Variants in DLGAP1 observed in about 807,000 individuals in gnomAD.
DLGAP1 encodes DLG associated protein 1.
In DLGAP1, 11 loss-of-function variants were observed where a neutral mutation model predicts 90.8. The observed-to-expected ratio is 0.12, with a 90% confidence interval of 0.08 to 0.20. DLGAP1 has a LOEUF of 0.20. DLGAP1 is among the 10% of genes least tolerant of loss of function. DLGAP1 has a pLI of 1.00. For synonymous variants in DLGAP1, 558 were observed against 540.7 expected (o/e 1.03, Z -0.44); for missense variants, 1,050 against 1,333.8 (o/e 0.79, Z 3.31).
rs148219097 is a variant in DLGAP1, at chr18:3,587,410, C to G, written c.1592-5162G>C. ...CTGGGTCGAGTGGGGACTTGGAGAA[C>G]TTTTCTAGCTAAAGGATTGTAAACG... On this transcript the variant is annotated intron_variant, in intron 7 of 12. Transcript: ENST00000315677. 8.4e-3 allele frequency among the ~76,000 whole-genome samples: 1,282 copies of G among 152,266 alleles called. 16 individuals are homozygous for G. Among genetic ancestry groups the G allele is most frequent in the African/African-American group, 0.028 (1,160 of 41,546 alleles).
At chr18:3,967,958 C>A (rs572092383) in intron 3 of DLGAP1, among the ~76,000 whole-genome samples, 1 of 152,188 alleles carries the variant, frequency 6.6e-6, no homozygotes, top group African/African-American at 2.4e-5. Flanking sequence ...CCTTCACATT[C>A]TCCTTGTGGC....
At chr18:3,804,772 A>G (rs2066489947) in intron 5 of DLGAP1, among the ~76,000 whole-genome samples, 2 of 152,260 alleles carry the variant, frequency 1.3e-5, no homozygotes, top group Non-Finnish European at 2.9e-5. Context: ...CATTTGTTCA[A>G]CATCCCCTCT....
In DLGAP1 at chr18:4,319,951, G is replaced by T. The variant is rs150951533; in HGVS notation, c.-267+135055C>A. ...TCTGGGGTCTCAGCCCTCCCACTCT[G>T]GGAGGGAACCCCATCCATCACTTGT... On this transcript the variant is annotated intron_variant, in intron 1 of 12. Transcript: ENST00000315677. Among the ~76,000 whole-genome samples, 479 of 152,148 alleles carry T rather than the reference G, an allele frequency of 3.1e-3. 3 individuals are homozygous for T. Among genetic ancestry groups the T allele is most frequent in the African/African-American group, 9.5e-3 (394 of 41,506 alleles).
chr18:4,405,687 C>T (rs1025656020), intron 1 of DLGAP1, among the ~76,000 whole-genome samples: 3 of 152,100 alleles, frequency 2.0e-5, no homozygotes, highest in Non-Finnish European at 4.4e-5. Context: ...TGTTTCTCAC[C>T]TAACTGACTT....
At chr18:4,302,580 T>C (rs1174263908) in intron 1 of DLGAP1, among the ~76,000 whole-genome samples, 2 of 152,202 alleles carry the variant, frequency 1.3e-5, no homozygotes, top group Non-Finnish European at 2.9e-5. Flanking sequence ...GTATTGACAA[T>C]GTGTCTATTT....
intron 5 of DLGAP1, among the ~76,000 whole-genome samples, chr18:3,748,005 A>G (rs939525072): frequency 6.6e-6 from 1 of 152,256 alleles, no homozygotes; most frequent in Non-Finnish European, 1.5e-5. Flanking sequence ...TGATCTGCTC[A>G]GAAGAAAGAC....
chr18:4,432,478 A>G (rs1439386543), intron 1 of DLGAP1, among the ~76,000 whole-genome samples: 1 of 47,568 alleles, frequency 2.1e-5, no homozygotes, highest in Admixed American at 3.3e-4. Flanking sequence ...CTAGATATTG[A>G]AATAAATTTT....
intron 1 of DLGAP1, among the ~76,000 whole-genome samples, chr18:4,287,941 G>A (rs2079743247): frequency 6.6e-6 from 1 of 152,088 alleles, no homozygotes; most frequent in Non-Finnish European, 1.5e-5. Flanking sequence ...AGAGGAGACT[G>A]CCTCAGTATA....
At chr18:3,841,160 T>C (rs749222764) in intron 4 of DLGAP1, among the ~76,000 whole-genome samples, 4 of 152,086 alleles carry the variant, frequency 2.6e-5, no homozygotes, top group Non-Finnish European at 4.4e-5. Context: ...TTGAAGAACA[T>C]GAAGGGCCAA....
At chr18:3,510,123 C>T (rs1038219379) in intron 10 of DLGAP1, among the ~76,000 whole-genome samples, 2 of 152,224 alleles carry the variant, frequency 1.3e-5, no homozygotes, top group Admixed American at 1.3e-4. Context: ...TGCAAGACCT[C>T]CTCTCCTTTT....
chr18:3,724,940 A>C (rs951218131), intron 7 of DLGAP1, among the ~76,000 whole-genome samples: 3 of 151,608 alleles, frequency 2.0e-5, no homozygotes, highest in Admixed American at 1.3e-4. Flanking sequence ...AGAAAAACCC[A>C]CCAGAGAATA....
intron 4 of DLGAP1, among the ~76,000 whole-genome samples, chr18:3,830,839 AT>A (rs1251320172): frequency 2.0e-5 from 3 of 152,244 alleles, no homozygotes; most frequent in African/African-American, 7.2e-5. Context: ...GCAGAGACCA[AT>A]ATTCATTCCT....
At chr18:4,289,528 A>G (rs1225860162) in intron 1 of DLGAP1, among the ~76,000 whole-genome samples, 2 of 152,116 alleles carry the variant, frequency 1.3e-5, no homozygotes, top group African/African-American at 4.8e-5. Flanking sequence ...GTGAATACCC[A>G]AAGTAGCCAA....
chr18:3,545,414 T>C (rs1286870309), intron 9 of DLGAP1, among the ~76,000 whole-genome samples: 2 of 152,170 alleles, frequency 1.3e-5, no homozygotes, highest in Non-Finnish European at 2.9e-5. Context: ...ATAAATACAA[T>C]ACGGCATACT....
At chr18:3,995,878 G>A (rs1224281002) in intron 3 of DLGAP1, among the ~76,000 whole-genome samples, 1 of 151,836 alleles carries the variant, frequency 6.6e-6, no homozygotes, top group Non-Finnish European at 1.5e-5. Flanking sequence ...ATGCTAAGCT[G>A]GAATGATTTT....
intron 1 of DLGAP1, among the ~76,000 whole-genome samples, chr18:4,362,692 A>C (rs533401): frequency 6.6e-6 from 1 of 152,120 alleles, no homozygotes; most frequent in Admixed American, 6.6e-5. Flanking sequence ...TGTACTCAAC[A>C]CCATTGAACT....
intron 7 of DLGAP1, among the ~76,000 whole-genome samples, chr18:3,656,518 CAG>C (rs2059489567): frequency 6.6e-6 from 1 of 152,132 alleles, no homozygotes; most frequent in Non-Finnish European, 1.5e-5. Flanking sequence ...CATGTTAGGA[CAG>C]AGTTTCTGTT....
At chr18:3,624,279 G>A (rs1033626322) in intron 7 of DLGAP1, among the ~76,000 whole-genome samples, 2 of 152,212 alleles carry the variant, frequency 1.3e-5, no homozygotes, top group Non-Finnish European at 2.9e-5. Flanking sequence ...GCTGCTGGGC[G>A]AGCCTGCGTG....
In DLGAP1 at chr18:3,849,518, TGCCCTAGACTCCATAGG is replaced by T. The variant is rs370070998; in HGVS notation, c.957+29577_957+29593del. ...AGTGCTAAGAAATACCAATTCCGCA[TGCCCTAGACTCCATAGG>T]GCCCTAGTCCAGTGGAAAGTTGAAT... On this transcript the variant is annotated intron_variant, in intron 4 of 12. Coordinates refer to ENST00000315677, the MANE Select transcript of DLGAP1 (RefSeq NM_004746.4). Among the ~76,000 whole-genome samples the T allele has an allele frequency of 1.4e-4, 22 of 152,188 alleles. 1 individual carries two copies. Among genetic ancestry groups the T allele is most frequent in the African/African-American group, 5.1e-4 (21 of 41,520 alleles).
Sources: allele counts gnomAD v4.1 joint callset (sites outside exome capture counted in the v4.1 genomes callset), GRCh38; gene constraint gnomAD v4.1.1; transcripts MANE v1.5; gene names NCBI Gene and HGNC (gene_info 2026-07-23, HGNC 2026-07-21).